CDHR3: variants seen among roughly 807,000 people sequenced by gnomAD.
The protein encoded by CDHR3 is cadherin related family member 3.
In CDHR3, 79 loss-of-function variants were observed where a neutral mutation model predicts 86.6. The ratio of observed to expected loss-of-function variants is 0.91; its 90% CI spans 0.76 to 1.10. The LOEUF is 1.10. Ranked by LOEUF, CDHR3 falls within the 50% of genes least tolerant of loss-of-function variation. The pLI is 0.00. For missense variants in CDHR3, 1,081 were observed against 1,077.6 expected (o/e 1.00, Z -0.04); for synonymous variants, 421 against 402.4 (o/e 1.05, Z -0.55).
rs1835043414 is a variant in CDHR3, at chr7:106,012,961, T to C, written c.1154T>C (p.Phe385Ser). Residue 385 changes from phenylalanine to serine, a missense_variant, in exon 9 of 19, where the codon TTC (phenylalanine) becomes TCC (serine). Physicochemically the swap from Phe to Ser is radical, Grantham distance 155 (BLOSUM62 -2). Coordinates refer to ENST00000317716, the MANE Select transcript of CDHR3 (RefSeq NM_152750.5). The stretch of plus-strand genomic sequence containing the variant: ...GAGGCACCAAACAACAGATTCAACT[T>C]CACCATGCCATCTGGAGTGGGGAGC... Reference protein sequence around the residue: ...DSEAPNNRFNFTMPSGVGSGS... With the variant: ...DSEAPNNRFNSTMPSGVGSGS... 1.2e-6 allele frequency: 2 copies of C among 1,613,650 alleles called. No homozygotes were observed. The highest frequency in any genetic ancestry group is 2.7e-5 in the African/African-American group (2 of 74,898).
At chr7:105,992,146 T>C (rs966288095) in intron 4 of CDHR3, among the ~76,000 whole-genome samples, 2 of 152,032 alleles carry the variant, frequency 1.3e-5, no homozygotes, top group Non-Finnish European at 2.9e-5. Context: ...GATTTTGGAG[T>C]GTAGGGCCTG....
Position 106,022,436 on chromosome 7 carries a change from C to T in CDHR3, c.2064C>T (p.Thr688=). Residue 688 remains threonine (T), a synonymous_variant, in exon 14 of 19, where the codon ACC becomes ACT. Coordinates refer to ENST00000317716, the MANE Select transcript of CDHR3 (RefSeq NM_152750.5). ...TTCCCCACCCAACCACTATCATCAC[C>T]ACGACCCCCAGGGTAAGGGCTTTAG... ...KVIPHPTTII[T]TTPRPRVTYQ... is the part of the protein sequence containing the mutation. 1 of 1,613,804 alleles carries T rather than the reference C, an allele frequency of 6.2e-7. No homozygotes were observed. The highest frequency in any genetic ancestry group is 8.5e-7 in the Non-Finnish European group (1 of 1,179,710).
At chr7:105,979,451 C>A (rs1829314849) in intron 2 of CDHR3, among the ~76,000 whole-genome samples, 1 of 152,186 alleles carries the variant, frequency 6.6e-6, no homozygotes, top group Admixed American at 6.5e-5. Context: ...GTTCTCTTAA[C>A]CAACCTAGAA....
At chr7:105,998,396 C>T (rs1207512864) in intron 6 of CDHR3, among the ~76,000 whole-genome samples, 1 of 152,198 alleles carries the variant, frequency 6.6e-6, no homozygotes, top group African/African-American at 2.4e-5. Flanking sequence ...GAAAATGTCT[C>T]CCCATTTTAC....
In CDHR3 at chr7:106,020,562, G is replaced by T; in HGVS notation, c.1825+18G>T. The T allele has an allele frequency of 1.9e-6, 3 of 1,604,052 alleles. No homozygotes were observed. Among genetic ancestry groups the T allele is most frequent in the South Asian group, 1.1e-5 (1 of 89,738 alleles). Reference sequence around the variant, plus strand: ...TGGCCCAGGTATAGTACTTGGTGTCGACAATCCTGGCCCTGTCTCTGAGGA... The same window carrying T: ...TGGCCCAGGTATAGTACTTGGTGTCTACAATCCTGGCCCTGTCTCTGAGGA... On this transcript the variant is annotated intron_variant, in intron 13 of 18. Coordinates refer to ENST00000317716, the MANE Select transcript of CDHR3 (RefSeq NM_152750.5).
chr7:106,022,679 A>G (rs1038242568), intron 14 of CDHR3, among the ~76,000 whole-genome samples: 3 of 152,218 alleles, frequency 2.0e-5, no homozygotes, highest in Non-Finnish European at 2.9e-5. Flanking sequence ...CTGTTCTGGT[A>G]GAGAAGAGTG....
chr7:105,987,698 T>C (rs998166045), intron 4 of CDHR3, among the ~76,000 whole-genome samples: 4 of 152,282 alleles, frequency 2.6e-5, no homozygotes, highest in South Asian at 2.1e-4. Context: ...GCATTAGGAC[T>C]ATAAAGCCCC....
At chr7:105,973,124 G>A (rs1027375395) in intron 1 of CDHR3, among the ~76,000 whole-genome samples, 2 of 152,094 alleles carry the variant, frequency 1.3e-5, no homozygotes, top group African/African-American at 4.8e-5. Flanking sequence ...TCTGATGGTG[G>A]CTGAGATTGG....
At chr7:106,023,714 T>A (rs1374214742) in intron 14 of CDHR3, among the ~76,000 whole-genome samples, 23 of 152,184 alleles carry the variant, frequency 1.5e-4, no homozygotes, top group Non-Finnish European at 2.9e-5. Context: ...CTCTCTCCCA[T>A]GCTCGAGTCA....
chr7:106,026,828 C>T, intron 16 of CDHR3, 133 bp downstream of exon 16: 1 of 962,860 alleles, frequency 1.0e-6, no homozygotes, highest in East Asian at 2.5e-5. Context: ...TCTTCTGTGG[C>T]TGGAAGGAAG....
In CDHR3 at chr7:106,034,550, G is replaced by T. The variant is rs1585898636; in HGVS notation, c.*1853G>T. Among the ~76,000 whole-genome samples, 1 of 152,334 alleles carries T rather than the reference G, an allele frequency of 6.6e-6. No homozygotes were observed. Among genetic ancestry groups the T allele is most frequent in the Middle Eastern group, 3.4e-3 (1 of 294 alleles). On this transcript the variant is annotated 3_prime_UTR_variant, in exon 19 of 19. Transcript: ENST00000317716. ...AGATTGAGCGTGATTTATTAATAAG[G>T]GTTGGTTGCCAGGGAACTCCCTTGA...
In CDHR3 at chr7:106,020,562, G is replaced by A. The variant is rs372807306; in HGVS notation, c.1825+18G>A. On this transcript the variant is annotated intron_variant, in intron 13 of 18. Transcript: ENST00000317716. ...TGGCCCAGGTATAGTACTTGGTGTC[G>A]ACAATCCTGGCCCTGTCTCTGAGGA... 5.5e-5 allele frequency: 88 copies of A among 1,603,934 alleles called. No homozygotes were observed. In the South Asian group the frequency reaches 8.7e-4, roughly 16 times the overall value.
intron 6 of CDHR3, among the ~76,000 whole-genome samples, chr7:105,999,390 G>A (rs1273046674): frequency 6.6e-6 from 1 of 152,160 alleles, no homozygotes; most frequent in African/African-American, 2.4e-5. Context: ...CACCCAGCAT[G>A]GACTAGATGA....
intron 9 of CDHR3, among the ~76,000 whole-genome samples, chr7:106,013,572 C>T (rs1430224239): frequency 6.6e-6 from 1 of 152,118 alleles, no homozygotes; most frequent in Non-Finnish European, 1.5e-5. Context: ...TTGAGTTAGA[C>T]CTTTCCTTAC....
chr7:105,982,474 A>AG (rs1052829178), intron 3 of CDHR3, among the ~76,000 whole-genome samples: 28 of 148,898 alleles, frequency 1.9e-4, no homozygotes, highest in African/African-American at 6.2e-4. Flanking sequence ...GTCTCAAAAA[A>AG]AAAAAAGAAA....
intron 4 of CDHR3, among the ~76,000 whole-genome samples, chr7:105,990,939 G>C (rs1831262007): frequency 6.6e-6 from 1 of 152,166 alleles, no homozygotes; most frequent in African/African-American, 2.4e-5. Context: ...TGGGCTTCTT[G>C]TCTTCCAAAC....
At chr7:105,964,191 G>C (rs1369891270) in intron 1 of CDHR3, among the ~76,000 whole-genome samples, 2 of 152,048 alleles carry the variant, frequency 1.3e-5, no homozygotes, top group Admixed American at 6.6e-5. Flanking sequence ...TTTTTCTTAG[G>C]AGTATTTTGA....
chr7:105,996,561 A>C (rs396600), intron 6 of CDHR3, among the ~76,000 whole-genome samples: 32,781 of 151,948 alleles, frequency 0.22, 3,583 homozygotes, highest in Non-Finnish European at 0.23. Context: ...TCCTGTACCC[A>C]CACATTCACA....
intron 12 of CDHR3, 37 bp downstream of exon 12, chr7:106,018,109 A>G (rs1330271404): frequency 2.6e-6 from 4 of 1,561,682 alleles, no homozygotes; most frequent in Admixed American, 1.7e-5. Flanking sequence ...CGGTAACCCA[A>G]CTGGTTGACT....
Sources: gnomAD v4.1 joint callset for allele counts (sites outside exome capture counted in the v4.1 genomes callset) on GRCh38, gnomAD v4.1.1 for gene constraint, MANE v1.5 for transcripts, NCBI Gene and HGNC (gene_info 2026-07-23, HGNC 2026-07-21) for gene names.